The following UNC5D variants were observed in gnomAD, a reference collection of about 807,000 sequenced individuals.
UNC5D encodes the protein netrin receptor UNC5D.
A neutral mutation model predicts 105.4 loss-of-function variants in UNC5D; 39 were observed. The observed-to-expected ratio is 0.37, with a 90% CI of 0.29 to 0.48. UNC5D has a LOEUF of 0.48. Among genes scored for constraint, UNC5D ranks in the 20% least tolerant of loss-of-function variants. The pLI is 0.98. For missense variants in UNC5D, 991 were observed against 1,202.4 expected, an observed-to-expected ratio of 0.82 and a Z score of 2.60; for synonymous variants, 452 against 450.4, an observed-to-expected ratio of 1.00 and a Z score of -0.04.
chr8:35,384,752 T>C (rs769039177), intron 1 of UNC5D, among the ~76,000 whole-genome samples: 17 of 152,222 alleles, frequency 1.1e-4, no homozygotes, highest in Admixed American at 2.0e-4. Context: ...TTGACAAGCC[T>C]AGAGAAGGGC....
chr8:35,666,084 C>CAAGT (rs1163707278), intron 4 of UNC5D, among the ~76,000 whole-genome samples: 1 of 151,856 alleles, frequency 6.6e-6, no homozygotes, highest in Non-Finnish European at 1.5e-5. Flanking sequence ...ATTGACCCTC[C>CAAGT]AAGTGCCCTG....
chr8:35,455,669 AAAAAAAAAAC>A (rs948208350), intron 1 of UNC5D, among the ~76,000 whole-genome samples: 3 of 150,368 alleles, frequency 2.0e-5, no homozygotes, highest in Non-Finnish European at 3.0e-5. Context: ...TAATCTATTA[AAAAAAAAAAC>A]AAAAAAAAAC....
rs187195600 is a variant in UNC5D at position 35,507,932 on chromosome 8, A to G, written c.104-41360A>G. Among the ~76,000 whole-genome samples the G allele has an allele frequency of 2.5e-4, 38 of 152,270 alleles. 1 individual carries two copies. The East Asian group carries it at 7.0e-3, about 28-fold the overall frequency. The stretch of plus-strand genomic sequence containing the variant: ...AAAAATTATTTTTTTAAAAAAATTA[A>G]GAGGAAAAAAAGCATACCAAGAAAC... On this transcript the variant is annotated intron_variant, in intron 1 of 16. Coordinates refer to ENST00000404895, the MANE Select transcript of UNC5D (RefSeq NM_080872.4).
chr8:35,474,147 A>G (rs1199821744), intron 1 of UNC5D, among the ~76,000 whole-genome samples: 2 of 152,242 alleles, frequency 1.3e-5, no homozygotes, highest in Non-Finnish European at 2.9e-5. Flanking sequence ...CACATGCACT[A>G]TAGGATGTTA....
At chr8:35,323,440 C>T (rs1407827831) in intron 1 of UNC5D, among the ~76,000 whole-genome samples, 3 of 152,058 alleles carry the variant, frequency 2.0e-5, no homozygotes, top group African/African-American at 7.2e-5. Context: ...GAGTTGCAAA[C>T]TGCCTGGCTG....
rs535765179 is a variant in UNC5D at position 35,393,425 on chromosome 8, G to A, written c.104-155867G>A. Among the ~76,000 whole-genome samples the A allele has an allele frequency of 1.4e-3, 212 of 151,972 alleles. 6 individuals carry two copies. The South Asian group carries it at 0.042, about 30-fold the overall frequency. ...TGGGATTACAGGCATGAGCCACCGC[G>A]CCCGGCCCTACTTTTTATCCTCTGG... On this transcript the variant is annotated intron_variant, in intron 1 of 16. Transcript: ENST00000404895.
chr8:35,753,187 T>C (rs891378095), intron 13 of UNC5D, among the ~76,000 whole-genome samples: 21 of 152,202 alleles, frequency 1.4e-4, no homozygotes, highest in Admixed American at 7.2e-4. Context: ...TGGTTGGTAA[T>C]AGAATCTTTT....
chr8:35,577,551 CTA>C (rs1373882499), intron 3 of UNC5D, among the ~76,000 whole-genome samples: 3 of 152,174 alleles, frequency 2.0e-5, no homozygotes, highest in African/African-American at 7.2e-5. Context: ...ATCCATGAAT[CTA>C]CACTGATGTT....
chr8:35,753,795 T>C (rs1399610205), intron 13 of UNC5D, among the ~76,000 whole-genome samples: 1 of 152,228 alleles, frequency 6.6e-6, no homozygotes, highest in East Asian at 1.9e-4. Context: ...TCAACCTTGC[T>C]TGAATAACTT....
At position 35,329,476 on chromosome 8, in the gene UNC5D, A is replaced by G. The variant is rs920603906; in HGVS notation, c.103+93589A>G. Among the ~76,000 whole-genome samples, 4 of 151,932 alleles carry G rather than the reference A, an allele frequency of 2.6e-5. No homozygotes were observed. In the East Asian group the frequency reaches 5.8e-4, roughly 22 times the overall value. On this transcript the variant is annotated intron_variant, in intron 1 of 16. Coordinates refer to ENST00000404895, the MANE Select transcript of UNC5D (RefSeq NM_080872.4). ...AGTAGACATCAATCTTGAAAGCAAC[A>G]CATTAGACTGGGGTTCTAATGAGAC...
chr8:35,732,174 A>G (rs1829227013), intron 11 of UNC5D, among the ~76,000 whole-genome samples: 1 of 152,216 alleles, frequency 6.6e-6, no homozygotes, highest in African/African-American at 2.4e-5. Flanking sequence ...CTGGGAGGAA[A>G]AACAGCCAGA....
intron 1 of UNC5D, chr8:35,255,253 C>T (rs554654510): frequency 2.0e-5 from 3 of 152,264 alleles, no homozygotes; most frequent in East Asian, 1.9e-4. Flanking sequence ...TTCTGTTACA[C>T]ATCTTCAATG....
At chr8:35,593,603 T>A (rs1819311686) in intron 3 of UNC5D, among the ~76,000 whole-genome samples, 1 of 151,900 alleles carries the variant, frequency 6.6e-6, no homozygotes, top group Admixed American at 6.6e-5. Context: ...TACAGAAAAT[T>A]TTTTAAAAAG....
intron 1 of UNC5D, among the ~76,000 whole-genome samples, chr8:35,450,649 A>C (rs1235768786): frequency 6.6e-6 from 1 of 152,152 alleles, no homozygotes; most frequent in Non-Finnish European, 1.5e-5. Flanking sequence ...TTCTGACGGT[A>C]ATCTGCATTT....
chr8:35,426,777 A>G (rs1344646672), intron 1 of UNC5D, among the ~76,000 whole-genome samples: 1 of 152,166 alleles, frequency 6.6e-6, no homozygotes, highest in Non-Finnish European at 1.5e-5. Flanking sequence ...AATGTTCCAG[A>G]ACCATTATTG....
intron 4 of UNC5D, among the ~76,000 whole-genome samples, chr8:35,638,198 A>G (rs1196353506): frequency 1.3e-5 from 2 of 152,196 alleles, no homozygotes; most frequent in African/African-American, 2.4e-5. Context: ...GAGAACAAAC[A>G]CTTGTCTCAT....
chr8:35,493,748 T>A (rs1811362287), intron 1 of UNC5D, among the ~76,000 whole-genome samples: 1 of 152,176 alleles, frequency 6.6e-6, no homozygotes, highest in African/African-American at 2.4e-5. Flanking sequence ...GTTTGTTTTG[T>A]AGAATGCTTT....
intron 15 of UNC5D, among the ~76,000 whole-genome samples, chr8:35,767,999 T>C (rs1801848055): frequency 6.6e-6 from 1 of 150,436 alleles, no homozygotes; most frequent in African/African-American, 2.4e-5. Context: ...ACTTATAAAA[T>C]AAATATATAT....
chr8:35,707,519 G>A (rs1200415648), intron 8 of UNC5D, among the ~76,000 whole-genome samples: 1 of 152,138 alleles, frequency 6.6e-6, no homozygotes, highest in Non-Finnish European at 1.5e-5. Context: ...ACAGATCACT[G>A]AATATTTGGC....
Sources: gnomAD v4.1 joint callset for allele counts (sites outside exome capture counted in the v4.1 genomes callset) on GRCh38, gnomAD v4.1.1 for gene constraint, MANE v1.5 for transcripts, NCBI Gene and HGNC (gene_info 2026-07-23, HGNC 2026-07-21) for gene names.